The following BDP1 variants were observed in gnomAD, a reference collection of about 807,000 sequenced individuals.
BDP1 encodes BDP1 general transcription factor IIIB subunit.
A neutral mutation model predicts 266.6 loss-of-function variants in BDP1; 169 were observed. The ratio of observed to expected loss-of-function variants is 0.63; its 90% confidence interval spans 0.56 to 0.72. BDP1 has a LOEUF of 0.72. Among genes scored for constraint, BDP1 ranks in the 30% least tolerant of loss-of-function variants. The pLI, the probability that BDP1 is intolerant of heterozygous loss-of-function variation, is 0.00. For missense variants in BDP1, 3,015 were observed against 3,053.8 expected (o/e 0.99, Z 0.30); for synonymous variants, 1,090 against 1,022.4 (o/e 1.07, Z -1.26).
intron 16 of BDP1, among the ~76,000 whole-genome samples, chr5:71,507,185 A>G (rs748464189): frequency 5.3e-5 from 8 of 152,340 alleles, no homozygotes; most frequent in Non-Finnish European, 1.0e-4. Context: ...ACCTTAAAGC[A>G]CATTTATAGT....
chr5:71,560,704 T>C (rs2112094626), intron 37 of BDP1, among the ~76,000 whole-genome samples: 1 of 152,314 alleles, frequency 6.6e-6, no homozygotes, highest in African/African-American at 2.4e-5. Flanking sequence ...TCTCTCACAA[T>C]TTCCTCATAT....
chr5:71,535,202 A>T (rs985540573), intron 26 of BDP1, among the ~76,000 whole-genome samples: 25 of 143,970 alleles, frequency 1.7e-4, no homozygotes, highest in African/African-American at 6.1e-4. Flanking sequence ...TAAAATAACA[A>T]TTTTTTTTTT....
rs774941182 is a variant in BDP1 at position 71,489,713 on chromosome 5, A to C, written c.1492+31A>C. 7 of 1,556,964 alleles carry C rather than the reference A, an allele frequency of 4.5e-6. No individual in the cohort carries two copies. The South Asian group carries it at 8.7e-5, about 19-fold the overall frequency. Reference sequence around the variant, plus strand: ...TTTCTTACATATTTAAAAAGCCTCTATATTACTTGAGAAGACATGTACAGT... The same window carrying C: ...TTTCTTACATATTTAAAAAGCCTCTCTATTACTTGAGAAGACATGTACAGT... On this transcript the variant is annotated intron_variant, in intron 10 of 38. Coordinates refer to ENST00000358731, the MANE Select transcript of BDP1 (RefSeq NM_018429.3).
chr5:71,479,198 C>T (rs759331382), intron 7 of BDP1, among the ~76,000 whole-genome samples: 16 of 151,382 alleles, frequency 1.1e-4, no homozygotes, highest in Non-Finnish European at 1.5e-4. Context: ...GCCCGTCATG[C>T]GCCCGGCTAA....
Position 71,510,174 on chromosome 5 carries a change from GTGATTGATGC to G in BDP1, c.3084_3093del (p.Ile1029LeufsTer4). On this transcript the variant is annotated frameshift_variant, in exon 17 of 39. Transcript: ENST00000358731. LOFTEE classifies it high-confidence loss of function. ...TTCTCCAAGGGAGAAGACACCAGAG[GTGATTGATGC>G]TACTGAGGAAATAGATTTGGAAGAA... The G allele has an allele frequency of 3.1e-6, 5 of 1,614,046 alleles. No individual in the cohort carries two copies. Among genetic ancestry groups the G allele is most frequent in the Non-Finnish European group, 4.2e-6 (5 of 1,180,018 alleles).
At chr5:71,491,174 T>C (rs374740746) in intron 11 of BDP1, 43 bp downstream of exon 11, 2 of 1,577,040 alleles carry the variant, frequency 1.3e-6, no homozygotes, top group South Asian at 2.3e-5. Context: ...ATCTGTTGAT[T>C]ACTGAGAAAG....
rs765588983 is a variant in BDP1, at chr5:71,489,545, A to G, written c.1355A>G (p.Gln452Arg). The G allele has an allele frequency of 3.7e-6, 6 of 1,614,176 alleles. No individual in the cohort carries two copies. In the African/African-American group the frequency reaches 5.3e-5, roughly 14 times the overall value. Reference sequence around the variant, plus strand: ...ACCTTATCAAGGGAGGATGCAGAGCAGGTTGCATTAGAAGTAGACCTAAAT... The same window carrying G: ...ACCTTATCAAGGGAGGATGCAGAGCGGGTTGCATTAGAAGTAGACCTAAAT... ...SLTLSREDAE[Q>R]VALEVDLNQK... Residue 452 changes from glutamine (Q) to arginine (R), a missense_variant, in exon 10 of 39, where the codon CAG becomes CGG. Gln to Arg is a conservative substitution (Grantham distance 43, BLOSUM62 1). Coordinates refer to ENST00000358731, the MANE Select transcript of BDP1 (RefSeq NM_018429.3).
chr5:71,491,800 T>C (rs1304194141), intron 11 of BDP1, among the ~76,000 whole-genome samples: 1 of 152,132 alleles, frequency 6.6e-6, no homozygotes, highest in Non-Finnish European at 1.5e-5. Flanking sequence ...TCACTGCAAC[T>C]TCCACCTCCC....
intron 9 of BDP1, among the ~76,000 whole-genome samples, chr5:71,488,821 C>A (rs1269361406): frequency 1.3e-5 from 2 of 151,974 alleles, no homozygotes; most frequent in Non-Finnish European, 2.9e-5. Context: ...GATTCTCCTG[C>A]CTCAGCCTCC....
rs116604020 is a variant in BDP1 at position 71,467,941 on chromosome 5, G to A, written c.919+454G>A. On this transcript the variant is annotated intron_variant, in intron 6 of 38. Transcript: ENST00000358731. ...TGCAGCCTTGAACTCTTGGGCTCAT[G>A]TGATCTTCCTGCCTCAGCCTCCCAG... 9.9e-3 allele frequency among the ~76,000 whole-genome samples: 1,514 copies of A among 152,208 alleles called. 18 individuals carry two copies. The highest frequency in any genetic ancestry group is 0.034 in the African/African-American group (1,425 of 41,536).
intron 1 of BDP1, 117 bp from the exon 2 acceptor site, chr5:71,458,462 A>C (rs1446668545): frequency 1.5e-5 from 9 of 607,434 alleles, no homozygotes; most frequent in Non-Finnish European, 2.4e-5. Flanking sequence ...CAAGTTACTA[A>C]TTTTTTTTTT....
intron 37 of BDP1, 109 bp from the exon 38 acceptor site, chr5:71,562,165 T>A: frequency 1.8e-6 from 2 of 1,142,628 alleles, no homozygotes; most frequent in Non-Finnish European, 2.3e-6. Context: ...GCCACTGCAC[T>A]CCAGCCTGGG....
chr5:71,490,634 A>C (rs1763529997), intron 10 of BDP1, among the ~76,000 whole-genome samples: 1 of 152,224 alleles, frequency 6.6e-6, no homozygotes, highest in South Asian at 2.1e-4. Flanking sequence ...GTAAGTACTT[A>C]ATAAATGATA....
At chr5:71,525,682 G>GA (rs1230867756) in intron 25 of BDP1, among the ~76,000 whole-genome samples, 2 of 144,970 alleles carry the variant, frequency 1.4e-5, no homozygotes, top group Admixed American at 6.7e-5. Flanking sequence ...TGGCCGGGCG[G>GA]GGGGCTGACC....
intron 36 of BDP1, among the ~76,000 whole-genome samples, chr5:71,557,872 A>G (rs190160636): frequency 1.8e-4 from 28 of 152,168 alleles, no homozygotes; most frequent in African/African-American, 6.7e-4. Context: ...TTTACCCTGA[A>G]AATTAGTTTA....
intron 35 of BDP1, among the ~76,000 whole-genome samples, chr5:71,555,565 G>A (rs530255896): frequency 6.6e-6 from 1 of 151,556 alleles, no homozygotes; most frequent in Non-Finnish European, 1.5e-5. Context: ...TCAGCCTCCC[G>A]AGTAGCTGGG....
At position 71,545,194 on chromosome 5, in the gene BDP1, G is replaced by A. The variant is rs776505309; in HGVS notation, c.6719G>A (p.Ser2240Asn). 30 of 1,613,594 alleles carry A rather than the reference G, an allele frequency of 1.9e-5. No homozygotes were observed. The Admixed American group carries it at 4.7e-4, about 25-fold the overall frequency. The change falls in exon 32 of 39, where the codon AGT becomes AAT. Residue 2240 changes from serine (S) to asparagine (N), a missense_variant. Transcript: ENST00000358731. ...CAGATAAAGGACTCTAAAGGAGACA[G>A]TGTGCTTACACTTCCTGTGCCAGAG... Reference protein sequence around the residue: ...EPQIKDSKGDSVLTLPVPEYT... With the variant: ...EPQIKDSKGDNVLTLPVPEYT...
chr5:71,465,934 C>T (rs544051902), intron 4 of BDP1, among the ~76,000 whole-genome samples, 162 bp from the exon 5 acceptor site: 1 of 152,090 alleles, frequency 6.6e-6, no homozygotes, highest in South Asian at 2.1e-4. Flanking sequence ...TTGAGAAAAT[C>T]CTCTAATTGC....
chr5:71,464,422 A>G (rs921565239), intron 4 of BDP1, among the ~76,000 whole-genome samples: 4 of 152,062 alleles, frequency 2.6e-5, no homozygotes, highest in Admixed American at 2.6e-4. Context: ...TCGAGCCCAC[A>G]TGTTCAAGGC....
Sources: allele counts gnomAD v4.1 joint callset (sites outside exome capture counted in the v4.1 genomes callset), GRCh38; gene constraint gnomAD v4.1.1; transcripts MANE v1.5; gene names NCBI Gene and HGNC (gene_info 2026-07-23, HGNC 2026-07-21).